TRRAP: variants seen among roughly 807,000 people sequenced by gnomAD.
The protein encoded by TRRAP is transformation/transcription domain-associated protein.
A neutral mutation model predicts 438.8 loss-of-function variants in TRRAP; 41 were observed. The ratio of observed to expected loss-of-function variants is 0.09; its 90% CI spans 0.07 to 0.12. The LOEUF is 0.12. Among genes scored for constraint, TRRAP ranks in the 10% least tolerant of loss-of-function variants. TRRAP has a pLI of 1.00. For synonymous variants in TRRAP, 1,994 were observed against 1,962.9 expected (o/e 1.02, Z -0.42); for missense variants, 3,122 against 5,055.1 (o/e 0.62, Z 11.60).
intron 29 of TRRAP, 35 bp downstream of exon 29, chr7:98,937,312 G>T (rs1352144276): frequency 1.9e-6 from 3 of 1,566,480 alleles, no homozygotes; most frequent in South Asian, 1.1e-5. Context: ...GCGCACGCGT[G>T]TGTGCACACA....
At chr7:98,953,096 C>G in intron 39 of TRRAP, 71 bp from the exon 40 acceptor site, 1 of 1,535,480 alleles carries the variant, frequency 6.5e-7, no homozygotes, top group Non-Finnish European at 8.8e-7. Flanking sequence ...AGGCTTAAAC[C>G]TGTCGTATGA....
At chr7:98,890,845 A>C (rs1795937213) in intron 4 of TRRAP, among the ~76,000 whole-genome samples, 1 of 129,522 alleles carries the variant, frequency 7.7e-6, no homozygotes, top group South Asian at 2.6e-4. Context: ...TCTGGAGTGC[A>C]GTGGTGCCAA....
chr7:98,956,598 A>C lies in TRRAP; in HGVS notation c.6231+65A>C. On this transcript the variant is annotated intron_variant, in intron 43 of 72. Coordinates refer to ENST00000456197, the MANE Select transcript of TRRAP (RefSeq NM_001375524.1). This position sits in a 1 kb window ranked among gnomAD's most constrained non-coding sequence, Gnocchi z 4.5. ...CTGGGAGTTGGTTCGTTTATTCCCT[A>C]TATTTAGAATGTGAGCTCGGTGCTC... 6.4e-7 allele frequency: 1 copy of C among 1,558,224 alleles called. No individual in the cohort carries two copies. The highest frequency in any genetic ancestry group is 8.7e-7 in the Non-Finnish European group (1 of 1,155,668).
At position 98,892,673 on chromosome 7, in the gene TRRAP, C is replaced by G. The variant is rs1269023179; in HGVS notation, c.366+145C>G. 3 of 633,082 alleles carry G rather than the reference C, an allele frequency of 4.7e-6. No homozygotes were observed. In the African/African-American group the frequency reaches 5.6e-5, roughly 12 times the overall value. The allele number at this position is 633,082 out of a possible 1,614,324, so 39.2% of individuals were successfully genotyped here. A position where few individuals can be genotyped will look rare whatever the true frequency, so the allele number is the denominator to read the frequency against. On this transcript the variant is annotated intron_variant, in intron 5 of 72. Transcript: ENST00000456197. ...TGAGTAAAAATTTTTCTTAATGTCC[C>G]TTTTCCCCCATTTCCTCCACTCAGA...
At position 98,994,920 on chromosome 7, in the gene TRRAP, AG is replaced by A. The variant is rs1793579455; in HGVS notation, c.10309+73del. 6.4e-7 allele frequency: 1 copy of A among 1,569,882 alleles called. No homozygotes were observed. Among genetic ancestry groups the A allele is most frequent in the Admixed American group, 1.7e-5 (1 of 57,740 alleles). On this transcript the variant is annotated intron_variant, in intron 67 of 72. Coordinates refer to ENST00000456197, the MANE Select transcript of TRRAP (RefSeq NM_001375524.1). This position sits in a 1 kb window ranked among gnomAD's most constrained non-coding sequence, Gnocchi z 4.8. ...TGATTTCCTCCGGCTTTAGTGTTGA[AG>A]CTGATTGGATCCTTGGTTTTCTGAT... is the stretch of plus-strand genomic sequence containing the variant.
intron 3 of TRRAP, among the ~76,000 whole-genome samples, chr7:98,883,927 A>G (rs576685205): frequency 1.3e-5 from 2 of 152,204 alleles, no homozygotes; most frequent in African/African-American, 2.4e-5. Context: ...TAGGCAGTTC[A>G]GTTACCAGCT....
intron 11 of TRRAP, among the ~76,000 whole-genome samples, chr7:98,901,698 A>G (rs931627171): frequency 5.9e-5 from 9 of 152,094 alleles, no homozygotes; most frequent in Non-Finnish European, 1.2e-4. Flanking sequence ...ACAGGCATGC[A>G]CTACCATGCC....
chr7:98,938,468 G>A (rs185300237), intron 30 of TRRAP, among the ~76,000 whole-genome samples: 1 of 152,118 alleles, frequency 6.6e-6, no homozygotes, highest in African/African-American at 2.4e-5. Flanking sequence ...AGACAGCCAG[G>A]GTTAAGACTT....
At position 99,005,668 on chromosome 7, in the gene TRRAP, A is replaced by G. The variant is rs970949360; in HGVS notation, c.10753+320A>G. ...AATTCGTCAACTTTCTTAGGACATT[A>G]TGAGATTTCTTTTTCTTTTTTTTTT... On this transcript the variant is annotated intron_variant, in intron 69 of 72. Transcript: ENST00000456197. The surrounding 1 kb of genome is among the most constrained non-coding windows in gnomAD (Gnocchi z 5.1). Among the ~76,000 whole-genome samples, 1 of 151,976 alleles carries G rather than the reference A, an allele frequency of 6.6e-6. No homozygotes were observed. The highest frequency in any genetic ancestry group is 2.4e-5 in the African/African-American group (1 of 41,322).
chr7:98,900,503 CT>C, intron 10 of TRRAP, 120 bp from the exon 11 acceptor site: 1 of 743,544 alleles, frequency 1.3e-6, no homozygotes, highest in South Asian at 1.9e-5. Context: ...GCTATTGTTG[CT>C]GTGTTGTTTG....
At chr7:98,945,570 C>T (rs563917085) in intron 31 of TRRAP, among the ~76,000 whole-genome samples, 177 bp from the exon 32 acceptor site, 188 of 152,152 alleles carry the variant, frequency 1.2e-3, no homozygotes, top group Non-Finnish European at 2.2e-3. Context: ...GTTTTGACAT[C>T]GAAGGTGAAA....
Position 98,921,794 on chromosome 7 carries a change from C to T in TRRAP, c.2664C>T (p.Ser888=), listed in dbSNP as rs1789809645. ...RTLRNPADSI[S]HVAYRVLGKF... ...TACGCAACCCTGCTGACAGCATCTC[C>T]CACGTGGCCTACCGTGTGCTCGGTA... Residue 888 remains serine (S), a synonymous_variant, in exon 21 of 73, where the codon TCC becomes TCT. Transcript: ENST00000456197. 1 of 1,614,206 alleles carries T rather than the reference C, an allele frequency of 6.2e-7. No individual in the cohort carries two copies. The highest frequency in any genetic ancestry group is 8.5e-7 in the Non-Finnish European group (1 of 1,180,038).
At chr7:99,003,813 C>T (rs1315570752) in intron 67 of TRRAP, among the ~76,000 whole-genome samples, 1 of 152,192 alleles carries the variant, frequency 6.6e-6, no homozygotes, top group Non-Finnish European at 1.5e-5. Context: ...CCTGTAATCC[C>T]AGCACTTTGG....
At chr7:98,884,675 G>C (rs1284984796) in intron 3 of TRRAP, among the ~76,000 whole-genome samples, 3 of 152,182 alleles carry the variant, frequency 2.0e-5, no homozygotes, top group Non-Finnish European at 4.4e-5. Context: ...CTCTGGTGCT[G>C]TGCCCTGCAG....
At chr7:98,937,298 G>A (rs782590547) in intron 29 of TRRAP, 21 bp downstream of exon 29, 3 of 1,603,698 alleles carry the variant, frequency 1.9e-6, no homozygotes, top group Non-Finnish European at 2.6e-6. Context: ...GTGCGTGCGT[G>A]TATGCGCACG....
intron 6 of TRRAP, 124 bp from the exon 7 acceptor site, chr7:98,895,640 C>G (rs1796162582): frequency 1.5e-6 from 1 of 650,122 alleles, no homozygotes; most frequent in Non-Finnish European, 2.4e-6. Flanking sequence ...ATCTTGAGCC[C>G]ACCATTTTCC....
At position 98,966,453 on chromosome 7, in the gene TRRAP, G is replaced by A. The variant is rs182784838; in HGVS notation, c.7176+558G>A. Among the ~76,000 whole-genome samples, 562 of 152,206 alleles carry A rather than the reference G, an allele frequency of 3.7e-3. 2 individuals are homozygous for A. The highest frequency in any genetic ancestry group is 6.8e-3 in the Middle Eastern group (2 of 292). Reference sequence around the variant, plus strand: ...TCATCCCAGCACTTTGGGAGACCGAGGCAGGTGGATCACTTGAGGTCAGGA... The same window carrying A: ...TCATCCCAGCACTTTGGGAGACCGAAGCAGGTGGATCACTTGAGGTCAGGA... On this transcript the variant is annotated intron_variant, in intron 49 of 72. Transcript: ENST00000456197.
Position 98,957,647 on chromosome 7 carries a change from C to T in TRRAP, c.6232-334C>T, listed in dbSNP as rs1791680295. Among the ~76,000 whole-genome samples the T allele has an allele frequency of 2.0e-5, 3 of 152,322 alleles. No individual in the cohort carries two copies. In the South Asian group the frequency reaches 6.2e-4, roughly 32 times the overall value. On this transcript the variant is annotated intron_variant, in intron 43 of 72. Coordinates refer to ENST00000456197, the MANE Select transcript of TRRAP (RefSeq NM_001375524.1). ...CCTGTGCTCACTCAGGATGTGTCCC[C>T]TGGCCTTTTCCCTCCACTGGGAGCT...
At position 98,908,606 on chromosome 7, in the gene TRRAP, G is replaced by A; in HGVS notation, c.1116-122G>A. 1.3e-6 allele frequency: 1 copy of A among 764,068 alleles called. No homozygotes were observed. Among genetic ancestry groups the A allele is most frequent in the South Asian group, 1.7e-5 (1 of 59,400 alleles). 47.3% of individuals were successfully genotyped at this position (764,068 alleles called of 1,614,324 possible). A position where few individuals can be genotyped will look rare whatever the true frequency, so the allele number is the denominator to read the frequency against. The stretch of plus-strand genomic sequence containing the variant: ...GGGAGAGAGTAATGTGGTGAAAATG[G>A]GCCATGTAAGTGTGCCGACCCAGGG... On this transcript the variant is annotated intron_variant, in intron 13 of 72. Transcript: ENST00000456197. This position sits in a 1 kb window ranked among gnomAD's most constrained non-coding sequence, Gnocchi z 4.1.
Sources: gnomAD v4.1 joint callset for allele counts (sites outside exome capture counted in the v4.1 genomes callset) on GRCh38, gnomAD v4.1.1 for gene constraint, Gnocchi (gnomAD v3.1) non-coding constraint, MANE v1.5 for transcripts, NCBI Gene and HGNC (gene_info 2026-07-23, HGNC 2026-07-21) for gene names.